GNB4: variants seen among roughly 807,000 people sequenced by gnomAD.
GNB4 encodes the protein guanine nucleotide-binding protein subunit beta-4.
Under a neutral mutation model 45.2 loss-of-function variants are expected in GNB4, and 28 were observed. The observed-to-expected ratio is 0.62, with a 90% CI of 0.46 to 0.85. The LOEUF (loss-of-function observed/expected upper bound fraction) is 0.85, where lower values mean the gene tolerates loss of function less well. Among genes scored for constraint, GNB4 ranks in the 40% least tolerant of loss-of-function variants. The probability of loss-of-function intolerance (pLI) is 0.00; values close to 1 mark genes in which losing one functional copy is unlikely to be tolerated. For synonymous variants in GNB4, 132 were observed against 143.7 expected (o/e 0.92, Z 0.58); for missense variants, 321 against 425.4 (o/e 0.75, Z 2.16).
chr3:179,423,572 A>C (rs908809513), intron 2 of GNB4, among the ~76,000 whole-genome samples: 6 of 152,026 alleles, frequency 3.9e-5, no homozygotes, highest in African/African-American at 1.4e-4. Context: ...TCATGAGGTC[A>C]AGCGATCAAG....
At chr3:179,472,642 G>T in the GNB4 span, among the ~76,000 whole-genome samples, 1 of 151,894 alleles carries the variant, frequency 6.6e-6, no homozygotes, top group Non-Finnish European at 1.5e-5. Flanking sequence ...GGGATTACAG[G>T]CTTCAGTCAC....
the GNB4 span, among the ~76,000 whole-genome samples, chr3:179,471,668 C>T: frequency 2.0e-5 from 3 of 152,152 alleles, no homozygotes; most frequent in Non-Finnish European, 2.9e-5. Flanking sequence ...GTATCCCTAT[C>T]GTTAAGCAAT....
the GNB4 span, among the ~76,000 whole-genome samples, chr3:179,479,096 G>A: frequency 2.6e-5 from 4 of 152,166 alleles, no homozygotes; most frequent in East Asian, 7.7e-4. Context: ...TTTCTTTATA[G>A]CAGTGCGAGA....
chr3:179,516,634 G>A, the GNB4 span, among the ~76,000 whole-genome samples: 44 of 152,212 alleles, frequency 2.9e-4, no homozygotes, highest in Admixed American at 4.6e-4. Flanking sequence ...TTTAAGAGGC[G>A]GGCTAGCGGC....
intron 9 of GNB4, 73 bp from the exon 10 acceptor site, chr3:179,401,392 A>T: frequency 1.3e-6 from 1 of 792,814 alleles, no homozygotes; most frequent in Non-Finnish European, 2.0e-6. Context: ...CAGAGATTTA[A>T]AAGGGTGCTT....
chr3:179,487,684 T>G, the GNB4 span, among the ~76,000 whole-genome samples: 3 of 152,216 alleles, frequency 2.0e-5, no homozygotes, highest in African/African-American at 7.2e-5. Context: ...CCACAAGGTT[T>G]TTTGTTTGTT....
chr3:179,484,652 C>G, the GNB4 span, among the ~76,000 whole-genome samples: 12 of 151,458 alleles, frequency 7.9e-5, no homozygotes, highest in Non-Finnish European at 1.8e-4. Context: ...TTAAATGGCC[C>G]TTAGGCATAG....
intron 1 of GNB4, among the ~76,000 whole-genome samples, chr3:179,448,474 GTTTTT>G (rs201658867): frequency 7.0e-6 from 1 of 142,284 alleles, no homozygotes; most frequent in Non-Finnish European, 1.5e-5. Flanking sequence ...AACTTACTTG[GTTTTT>G]TTTTTTTTCT....
the GNB4 span, chr3:179,465,205 G>C: frequency 7.4e-7 from 1 of 1,345,106 alleles, no homozygotes; most frequent in Admixed American, 1.7e-5. Context: ...CTGCCAAACT[G>C]AAGTTGGTTG....
the GNB4 span, among the ~76,000 whole-genome samples, chr3:179,484,445 G>A: frequency 4.6e-5 from 7 of 152,230 alleles, no homozygotes; most frequent in South Asian, 6.2e-4. Context: ...AGACACTTTC[G>A]TGCTCCTTTG....
the GNB4 span, among the ~76,000 whole-genome samples, chr3:179,509,904 GC>G: frequency 6.6e-6 from 1 of 152,106 alleles, no homozygotes; most frequent in Non-Finnish European, 1.5e-5. Flanking sequence ...TGCAACCTCA[GC>G]TTTGACCTCC....
At chr3:179,430,433 G>A (rs745518071) in intron 1 of GNB4, among the ~76,000 whole-genome samples, 1 of 151,444 alleles carries the variant, frequency 6.6e-6, no homozygotes, top group Non-Finnish European at 1.5e-5. Flanking sequence ...TTTCCTGTTT[G>A]GGCCAATTCC....
At chr3:179,423,431 CAT>C (rs1415379053) in intron 2 of GNB4, among the ~76,000 whole-genome samples, 1 of 152,182 alleles carries the variant, frequency 6.6e-6, no homozygotes, top group Non-Finnish European at 1.5e-5. Context: ...TCTGCAGAAA[CAT>C]ATAAAGTGGG....
At chr3:179,405,016 T>C (rs1447860833) in intron 9 of GNB4, among the ~76,000 whole-genome samples, 174 bp downstream of exon 9, 1 of 152,164 alleles carries the variant, frequency 6.6e-6, no homozygotes, top group Admixed American at 6.5e-5. Flanking sequence ...AAAGTGTAAA[T>C]ATGGCTTATG....
chr3:179,426,462 A>C (rs1259732161), intron 1 of GNB4, among the ~76,000 whole-genome samples: 1 of 152,202 alleles, frequency 6.6e-6, no homozygotes, highest in Non-Finnish European at 1.5e-5. Context: ...AGAAATTCCA[A>C]GTTGTAGTAT....
At position 179,399,563 on chromosome 3, in the gene GNB4, T is replaced by C. The variant is rs1270159431; in HGVS notation, c.*1650A>G. The C allele has an allele frequency of 6.6e-6, 1 of 152,240 alleles. No individual in the cohort carries two copies. Among genetic ancestry groups the C allele is most frequent in the Admixed American group, 6.5e-5 (1 of 15,290 alleles). 9.4% of individuals were successfully genotyped at this position (152,240 alleles called of 1,614,324 possible). On this transcript the variant is annotated 3_prime_UTR_variant, in exon 10 of 10. Coordinates refer to ENST00000232564, the MANE Select transcript of GNB4 (RefSeq NM_021629.4). ...ATACATTCATAACTGCCATCTACAA[T>C]ATTCTGTTTTGGTCCTATATCTTAA...
the GNB4 span, among the ~76,000 whole-genome samples, chr3:179,472,839 C>A: frequency 7.2e-5 from 11 of 152,214 alleles, no homozygotes; most frequent in African/African-American, 2.2e-4. Flanking sequence ...TTTAAGTGAC[C>A]CTCCAAGGAC....
At chr3:179,454,417 C>T (rs533919660), upstream of GNB4, among the ~76,000 whole-genome samples, 82 of 152,302 alleles carry the variant, frequency 5.4e-4, 2 homozygotes, top group South Asian at 0.014. Context: ...CCATCCCACA[C>T]GCTAGTCAGA....
At chr3:179,479,475 G>A in the GNB4 span, among the ~76,000 whole-genome samples, 4 of 152,244 alleles carry the variant, frequency 2.6e-5, no homozygotes, top group Non-Finnish European at 5.9e-5. Context: ...CTATTTGGGA[G>A]AAAATCAAAT....
Sources: gnomAD v4.1 joint callset for allele counts (sites outside exome capture counted in the v4.1 genomes callset) on GRCh38, gnomAD v4.1.1 for gene constraint, MANE v1.5 for transcripts, NCBI Gene and HGNC (gene_info 2026-07-23, HGNC 2026-07-21) for gene names.